Variants in SORCS2 observed in about 807,000 individuals in gnomAD.
SORCS2 encodes the protein VPS10 domain-containing receptor SorCS2.
A neutral mutation model predicts 141.6 loss-of-function variants in SORCS2; 100 were observed. That is an observed-to-expected ratio of 0.71 (90% confidence interval 0.60 to 0.83). SORCS2 has a LOEUF of 0.83. Among genes scored for constraint, SORCS2 ranks in the 40% least tolerant of loss-of-function variants. SORCS2 has a pLI of 0.00. For synonymous variants in SORCS2, 789 were observed against 676.9 expected, an observed-to-expected ratio of 1.17 and a Z score of -2.57; for missense variants, 1,646 against 1,560.2, an observed-to-expected ratio of 1.05 and a Z score of -0.93.
intron 14 of SORCS2, among the ~76,000 whole-genome samples, chr4:7,706,641 A>G (rs1384705136): frequency 7.7e-6 from 1 of 130,672 alleles, no homozygotes. Context: ...GACAGGGATG[A>G]GGCTGGGCTC....
intron 3 of SORCS2, among the ~76,000 whole-genome samples, chr4:7,543,691 TCCAC>T (rs1346354792): frequency 2.2e-4 from 12 of 53,362 alleles, no homozygotes; most frequent in East Asian, 1.2e-3. Context: ...CATCCACCCA[TCCAC>T]CCATCCATCC....
chr4:7,454,010 C>G (rs1384688959), intron 2 of SORCS2, among the ~76,000 whole-genome samples: 76 of 51,988 alleles, frequency 1.5e-3, no homozygotes, highest in Admixed American at 5.0e-3. Flanking sequence ...GTCAGGAGCT[C>G]TGTGTTAGGG....
At chr4:7,423,932 GT>G (rs1476994606) in intron 2 of SORCS2, among the ~76,000 whole-genome samples, 3 of 152,168 alleles carry the variant, frequency 2.0e-5, no homozygotes, top group African/African-American at 7.2e-5. Context: ...CACACGCGGT[GT>G]TGGGAAGAGG....
chr4:7,686,488 G>A (rs986391329), intron 10 of SORCS2, among the ~76,000 whole-genome samples: 27 of 152,312 alleles, frequency 1.8e-4, no homozygotes, highest in African/African-American at 6.5e-4. Context: ...CCCCAGCTTG[G>A]CCTGCCTCCA....
intron 3 of SORCS2, among the ~76,000 whole-genome samples, chr4:7,606,881 C>T (rs1718097047): frequency 6.6e-6 from 1 of 152,142 alleles, no homozygotes; most frequent in African/African-American, 2.4e-5. Context: ...TTTGCACCAA[C>T]CTAATAGTGT....
intron 3 of SORCS2, among the ~76,000 whole-genome samples, chr4:7,588,230 C>T (rs11730130): frequency 0.48 from 72,427 of 152,082 alleles, 18,342 homozygotes; most frequent in Non-Finnish European, 0.57. Context: ...GCCCATTTCT[C>T]AAGTGTCACT....
At chr4:7,574,268 C>T (rs969909336) in intron 3 of SORCS2, among the ~76,000 whole-genome samples, 3 of 152,248 alleles carry the variant, frequency 2.0e-5, no homozygotes, top group Non-Finnish European at 4.4e-5. Context: ...GGTCCCTTCT[C>T]CCACGGGATC....
At chr4:7,722,904 A>AT (rs1726689654) in intron 18 of SORCS2, among the ~76,000 whole-genome samples, 2 of 152,178 alleles carry the variant, frequency 1.3e-5, no homozygotes, top group African/African-American at 4.8e-5. Flanking sequence ...CATCATCACT[A>AT]GGAAACGGTT....
intron 1 of SORCS2, among the ~76,000 whole-genome samples, chr4:7,215,420 G>A (rs1401628146): frequency 1.3e-5 from 2 of 152,222 alleles, no homozygotes; most frequent in Non-Finnish European, 1.5e-5. Flanking sequence ...CCCCGACTCC[G>A]TGGGTTCCTG....
chr4:7,408,860 T>C (rs1725134881), intron 2 of SORCS2, among the ~76,000 whole-genome samples: 1 of 152,232 alleles, frequency 6.6e-6, no homozygotes, highest in Non-Finnish European at 1.5e-5. Flanking sequence ...TCACTGATTC[T>C]TTCCTCTGCT....
At chr4:7,339,468 G>T (rs1720236738) in intron 1 of SORCS2, among the ~76,000 whole-genome samples, 3 of 152,204 alleles carry the variant, frequency 2.0e-5, no homozygotes, top group Non-Finnish European at 1.5e-5. Flanking sequence ...TCTGCAGCTG[G>T]GTGGGGGCAA....
intron 1 of SORCS2, among the ~76,000 whole-genome samples, chr4:7,227,068 T>C (rs562090568): frequency 6.6e-6 from 1 of 151,878 alleles, no homozygotes; most frequent in African/African-American, 2.4e-5. Flanking sequence ...GGTACTCTTA[T>C]GCACCTGTGG....
chr4:7,454,133 T>G (rs1577590434), intron 2 of SORCS2, among the ~76,000 whole-genome samples: 1 of 108,610 alleles, frequency 9.2e-6, no homozygotes, highest in Non-Finnish European at 1.8e-5. Context: ...TGTGTTGGGG[T>G]CAGGAGCTGT....
At chr4:7,534,158 G>T (rs180835414) in intron 3 of SORCS2, among the ~76,000 whole-genome samples, 10 of 152,348 alleles carry the variant, frequency 6.6e-5, no homozygotes, top group Non-Finnish European at 1.2e-4. Context: ...GACTTTAAAG[G>T]AATGGGATGA....
chr4:7,449,956 T>C (rs1728335390), intron 2 of SORCS2, among the ~76,000 whole-genome samples: 1 of 152,102 alleles, frequency 6.6e-6, no homozygotes, highest in East Asian at 1.9e-4. Context: ...GTTAAACAAA[T>C]AATGTTTGCT....
intron 1 of SORCS2, among the ~76,000 whole-genome samples, chr4:7,366,203 T>A (rs569407013): frequency 5.9e-5 from 9 of 152,182 alleles, no homozygotes; most frequent in African/African-American, 1.9e-4. Flanking sequence ...GCTGGGATCC[T>A]TCCTTCCTCC....
chr4:7,582,473 C>T (rs1302416301), intron 3 of SORCS2, among the ~76,000 whole-genome samples: 2 of 152,128 alleles, frequency 1.3e-5, no homozygotes, highest in Admixed American at 6.5e-5. Context: ...CAGGGTGCGG[C>T]CGGAAAGGCG....
At chr4:7,554,738 C>T (rs1041949579) in intron 3 of SORCS2, among the ~76,000 whole-genome samples, 8 of 152,166 alleles carry the variant, frequency 5.3e-5, no homozygotes, top group Non-Finnish European at 7.4e-5. Flanking sequence ...GCGGGAGCCC[C>T]GAGGAAGAAC....
intron 2 of SORCS2, among the ~76,000 whole-genome samples, chr4:7,512,435 G>T (rs1306139030): frequency 6.7e-6 from 1 of 148,826 alleles, no homozygotes; most frequent in Non-Finnish European, 1.5e-5. Context: ...AGGGGGAAGG[G>T]AGGGAGGACA....
Sources: allele counts gnomAD v4.1 joint callset (sites outside exome capture counted in the v4.1 genomes callset), GRCh38; gene constraint gnomAD v4.1.1; transcripts MANE v1.5; gene names NCBI Gene and HGNC (gene_info 2026-07-23, HGNC 2026-07-21).